Variants in TTN observed in about 807,000 individuals in gnomAD.
TTN encodes titin.
A neutral mutation model predicts 3,223.0 loss-of-function variants in TTN; 1,525 were observed. That is an observed-to-expected ratio of 0.47 (90% CI 0.45 to 0.49). The LOEUF (loss-of-function observed/expected upper bound fraction) is 0.49, where lower values mean the gene tolerates loss of function less well. Among genes scored for constraint, TTN ranks in the 20% least tolerant of loss-of-function variants. The probability of loss-of-function intolerance (pLI) is 0.00; values close to 1 mark genes in which losing one functional copy is unlikely to be tolerated. For synonymous variants in TTN, 14,094 were observed against 15,161.0 expected (o/e 0.93, Z 5.17); for missense variants, 40,786 against 43,424.0 (o/e 0.94, Z 5.40).
chr2:178,607,923 T>A lies in TTN; in HGVS notation c.52864A>T (p.Lys17622Ter). 6.2e-7 allele frequency: 1 copy of A among 1,613,030 alleles called. No individual in the cohort carries two copies. The highest frequency in any genetic ancestry group is 1.1e-5 in the South Asian group (1 of 91,064). ...GTGTACTGACGGACCTTGATCATCT[T>A]CTCTGTGCAGCGTGACCATTCATTT... ...GTNEWSRCTE[K>*]MIKVRQYTVK... Residue 17622 changes from lysine to a stop codon, truncating the protein, a stop_gained, in exon 276 of 363, where the codon AAG becomes TAG. Transcript: ENST00000589042. LOFTEE classifies it high-confidence loss of function.
At position 178,782,399 on chromosome 2, in the gene TTN, T is replaced by A; in HGVS notation, c.3193A>T (p.Thr1065Ser). ...TGTTCCTCTGTGAGGCTAGTATCAG[T>A]CATAACCACATCTCTTGACTCAACA... is the stretch of plus-strand genomic sequence containing the variant. ...RFVESRDVVM[T>S]DTSLTEEQAG... Residue 1065 changes from threonine to serine, a missense_variant, in exon 20 of 363, where the codon ACT (threonine) becomes TCT (serine). Physicochemically the swap from Thr to Ser is moderately conservative, Grantham distance 58. Transcript: ENST00000589042. The A allele has an allele frequency of 6.2e-7, 1 of 1,614,066 alleles. No individual in the cohort carries two copies. Among genetic ancestry groups the A allele is most frequent in the Non-Finnish European group, 8.5e-7 (1 of 1,179,982 alleles).
At chr2:178,800,273 T>C in intron 4 of TTN, 122 bp downstream of exon 4, 1 of 1,362,892 alleles carries the variant, frequency 7.3e-7, no homozygotes, top group Non-Finnish European at 1.0e-6. Context: ...AAAAGCCAGC[T>C]TTTATATCAG....
At position 178,597,674 on chromosome 2, in the gene TTN, T is replaced by G. The variant is rs553505206; in HGVS notation, c.57408A>C (p.Glu19136Asp). 3 of 1,613,384 alleles carry G rather than the reference T, an allele frequency of 1.9e-6. No homozygotes were observed. The highest frequency in any genetic ancestry group is 2.2e-5 in the East Asian group (1 of 44,734). The change falls in exon 294 of 363, where the codon GAA (glutamate) becomes GAC (aspartate). Residue 19136 changes from glutamate to aspartate, a missense_variant. Transcript: ENST00000589042. Reference protein sequence around the residue: ...WNMNERTLPQEATIETTAISS... With the variant: ...WNMNERTLPQDATIETTAISS... ...TAATGGCTGTGGTCTCAATGGTGGCTTCTTGAGGTAAGGTTCTTTCATTCA... is the reference window on the plus strand; with the variant it reads ...TAATGGCTGTGGTCTCAATGGTGGCGTCTTGAGGTAAGGTTCTTTCATTCA...
In TTN at chr2:178,590,412, A is replaced by T. The variant is rs756962314; in HGVS notation, c.61313T>A (p.Ile20438Asn). The T allele has an allele frequency of 6.2e-7, 1 of 1,609,460 alleles. No homozygotes were observed. Among genetic ancestry groups the T allele is most frequent in the East Asian group, 2.2e-5 (1 of 44,720 alleles). ...RQCAFRVPGL[I>N]EGNEYRFRIK... ...ACGGAATCTGTACTCATTTCCTTCA[A>T]TTAGTCCAGGTACCCTAAAGGCACA... The change falls in exon 304 of 363, where the codon ATT (isoleucine) becomes AAT (asparagine). Residue 20438 changes from isoleucine to asparagine, a missense_variant. By Grantham distance (149) the Ile-to-Asn change is moderately radical. Transcript: ENST00000589042.
In TTN at chr2:178,617,782, T is replaced by C. The variant is rs748048957; in HGVS notation, c.47569A>G (p.Ile15857Val). ...TTCCCTTTTTTGATGGGCTTACCAA[T>C]TGGATCAGCAACTTTGACGAAGGGT... ...ATPFVKVADP[I>V]ERPSPPVNLT... The change falls in exon 253 of 363, where the codon ATT becomes GTT. Residue 15857 changes from isoleucine to valine, a missense_variant. Transcript: ENST00000589042. 21 of 1,612,048 alleles carry C rather than the reference T, an allele frequency of 1.3e-5. No individual in the cohort carries two copies. Among genetic ancestry groups the C allele is most frequent in the East Asian group, 2.2e-5 (1 of 44,670 alleles).
Position 178,584,827 on chromosome 2 carries a change from C to T in TTN, c.64814G>A (p.Gly21605Asp), listed in dbSNP as rs1553632971. 2 of 1,613,380 alleles carry T rather than the reference C, an allele frequency of 1.2e-6. No individual in the cohort carries two copies. The highest frequency in any genetic ancestry group is 1.7e-6 in the Non-Finnish European group (2 of 1,179,534). Residue 21605 changes from glycine (G) to aspartate (D), a missense_variant, in exon 310 of 363, where the codon GGT (glycine) becomes GAT (aspartate). Gly to Asp is a moderately conservative substitution (Grantham distance 94). Coordinates refer to ENST00000589042, the MANE Select transcript of TTN (RefSeq NM_001267550.2). ...TGAAGCTAGAGCCGTGACCCAGTCA[C>T]CTCGGCTTACATCACACTTCTCCAC... ...YIVEKCDVSR[G>D]DWVTALASVT...
At chr2:178,665,887 T>C (rs993120966) in intron 163 of TTN, 96 bp from the exon 164 acceptor site, 1 of 520,614 alleles carries the variant, frequency 1.9e-6, no homozygotes, top group Non-Finnish European at 3.0e-6. Context: ...GATGGGAACC[T>C]TCTCCCACTC....
chr2:178,541,168 G>T, intron 350 of TTN, 114 bp downstream of exon 350: 1 of 1,025,886 alleles, frequency 9.7e-7, no homozygotes, highest in Non-Finnish European at 1.3e-6. Context: ...TTGTGGTGGT[G>T]ATTACAAAAC....
At position 178,751,092 on chromosome 2, in the gene TTN, C is replaced by A. The variant is rs1450797022; in HGVS notation, c.11311+2032G>T. 3.7e-6 allele frequency: 6 copies of A among 1,612,670 alleles called. No homozygotes were observed. In the South Asian group the frequency reaches 6.6e-5, roughly 18 times the overall value. Reference sequence around the variant, plus strand: ...TTAGAAAGGGCATGTGGATTTTGCACAATACTCTCAGCTGAATGATCTACC... The same window carrying A: ...TTAGAAAGGGCATGTGGATTTTGCAAAATACTCTCAGCTGAATGATCTACC... On this transcript the variant is annotated intron_variant, in intron 47 of 362. Coordinates refer to ENST00000589042, the MANE Select transcript of TTN (RefSeq NM_001267550.2).
chr2:178,788,580 C>A (rs552436374), intron 13 of TTN, among the ~76,000 whole-genome samples: 2 of 151,996 alleles, frequency 1.3e-5, no homozygotes, highest in Non-Finnish European at 2.9e-5. Flanking sequence ...TCAGGCCATC[C>A]TGCTAATGAA....
chr2:178,776,569 G>A lies in TTN; in HGVS notation c.5295C>T (p.Gly1765=), dbSNP rs145999395. Residue 1765 remains glycine (G), a synonymous_variant, in exon 28 of 363, where the codon GGC becomes GGT. Coordinates refer to ENST00000589042, the MANE Select transcript of TTN (RefSeq NM_001267550.2). The part of the protein sequence containing the change: ...NEFGYCSLDY[G]VAYSRDSGII... ...TACCACTGTCTCTAGAATATGCAAC[G>A]CCATAATCAAGGCTGCAGTACCCAA... 46 of 1,613,106 alleles carry A rather than the reference G, an allele frequency of 2.9e-5. No homozygotes were observed. The highest frequency in any genetic ancestry group is 3.7e-5 in the Non-Finnish European group (44 of 1,179,998).
In TTN at chr2:178,711,201, T is replaced by G; in HGVS notation, c.28035A>C (p.Pro9345=). 6.2e-7 allele frequency: 1 copy of G among 1,613,894 alleles called. No homozygotes were observed. Among genetic ancestry groups the G allele is most frequent in the Non-Finnish European group, 8.5e-7 (1 of 1,179,798 alleles). The change falls in exon 97 of 363, where the codon CCA becomes CCC. Residue 9345 remains proline, a synonymous_variant. Coordinates refer to ENST00000589042, the MANE Select transcript of TTN (RefSeq NM_001267550.2). ...YKDGKPLKDS[P]NVQTSFLDNT... ...TGTCTAAAAATGATGTTTGTACATT[T>G]GGGCTGTCTTTCAATGGCTTGCCGT... is the stretch of plus-strand genomic sequence containing the variant.
chr2:178,547,177 G>A lies in TTN; in HGVS notation c.94348C>T (p.Arg31450Cys), dbSNP rs541040798. ...TCTTTCACCCAAAGAATTGTATTACGTTCTTTCTTCTCAACCCAGTAGCCA... is the reference window on the plus strand; with the variant it reads ...TCTTTCACCCAAAGAATTGTATTACATTCTTTCTTCTCAACCCAGTAGCCA... ...IIGYWVEKKE[R>C]NTILWVKENK... is the part of the protein sequence containing the mutation. The change falls in exon 340 of 363, where the codon CGT (arginine) becomes TGT (cysteine). Residue 31450 changes from arginine (R) to cysteine (C), a missense_variant. Transcript: ENST00000589042. The A allele has an allele frequency of 1.6e-4, 258 of 1,613,734 alleles. 4 individuals are homozygous for A. In the South Asian group the frequency reaches 2.4e-3, roughly 15 times the overall value.
At position 178,633,265 on chromosome 2, in the gene TTN, G is replaced by A. The variant is rs1414798056; in HGVS notation, c.43008C>T (p.Ala14336=). 6.2e-7 allele frequency: 1 copy of A among 1,613,224 alleles called. No individual in the cohort carries two copies. The highest frequency in any genetic ancestry group is 1.1e-5 in the South Asian group (1 of 91,042). The change falls in exon 233 of 363, where the codon GCC becomes GCT. Residue 14336 remains alanine, a synonymous_variant. Transcript: ENST00000589042. The part of the protein sequence containing the change: ...YGVEVFVGET[A]HFEIELSEPD... ...GTTCAGAAAGTTCAATTTCAAAGTG[G>A]GCTGTTTCACCAACAAACACCTCTA...
At position 178,561,573 on chromosome 2, in the gene TTN, T is replaced by C. The variant is rs2154159829; in HGVS notation, c.84559A>G (p.Ile28187Val). The C allele has an allele frequency of 1.2e-6, 2 of 1,613,346 alleles. No individual in the cohort carries two copies. The highest frequency in any genetic ancestry group is 4.5e-5 in the East Asian group (2 of 44,758). Residue 28187 changes from isoleucine (I) to valine (V), a missense_variant, in exon 326 of 363, where the codon ATT becomes GTT. By Grantham distance (29) the Ile-to-Val change is conservative (BLOSUM62 3). Transcript: ENST00000589042. ...TCTTTATACTCAAGATGATAGCCAA[T>C]TACTCGACTTCCTCCATCATTAACT... Reference protein sequence around the residue: ...VPVNDGGSRVIGYHLEYKERS... With the variant: ...VPVNDGGSRVVGYHLEYKERS...
Position 178,726,954 on chromosome 2 carries a change from G to A in TTN, c.20275+136C>T, listed in dbSNP as rs79057558. The A allele has an allele frequency of 1.1e-3, 1,013 of 917,264 alleles. 11 individuals carry two copies. The African/African-American group carries it at 0.015, about 14-fold the overall frequency. 56.8% of individuals were successfully genotyped at this position (917,264 alleles called of 1,614,324 possible). A position where few individuals can be genotyped will look rare whatever the true frequency, so the allele number is the denominator to read the frequency against. On this transcript the variant is annotated intron_variant, in intron 69 of 362. Transcript: ENST00000589042. ...TCAAGAAGGAAACCATCTAAAAAGG[G>A]AAATAATACTAGCTCAGAAAAATAT...
Position 178,547,439 on chromosome 2 carries a change from T to C in TTN, c.94187A>G (p.Glu31396Gly). The C allele has an allele frequency of 6.2e-7, 1 of 1,609,270 alleles. No individual in the cohort carries two copies. Among genetic ancestry groups the C allele is most frequent in the Non-Finnish European group, 8.5e-7 (1 of 1,176,808 alleles). The change falls in exon 339 of 363, where the codon GAA (glutamate) becomes GGA (glycine). Residue 31396 changes from glutamate (E) to glycine (G), a missense_variant. Glu to Gly is a moderately conservative substitution (Grantham distance 98). Transcript: ENST00000589042. ...ENRFGVSKPL[E>G]SAPIIAEHPF... ...ATGTTCAGCAATTATTGGTGCTGAT[T>C]CTAGAGGTTTGCTGACACCAAATCT...
At position 178,733,528 on chromosome 2, in the gene TTN, A is replaced by T; in HGVS notation, c.15776-11T>A. 6.2e-7 allele frequency: 1 copy of T among 1,606,076 alleles called. No homozygotes were observed. The highest frequency in any genetic ancestry group is 8.5e-7 in the Non-Finnish European group (1 of 1,174,880). ...TGATTTTGGCAGGTTCTACAATGGTATGAAATAGTTAGCACCCTAAATGCT... is the reference window on the plus strand; with the variant it reads ...TGATTTTGGCAGGTTCTACAATGGTTTGAAATAGTTAGCACCCTAAATGCT... On this transcript the variant is annotated splice_polypyrimidine_tract_variant and intron_variant, in intron 53 of 362. Transcript: ENST00000589042.
In TTN at chr2:178,589,176, G is replaced by A. The variant is rs2049701405; in HGVS notation, c.62549C>T (p.Ala20850Val). 6.2e-7 allele frequency: 1 copy of A among 1,613,338 alleles called. No individual in the cohort carries two copies. Among genetic ancestry groups the A allele is most frequent in the South Asian group, 1.1e-5 (1 of 91,078 alleles). ...AGTGGCATAGGCCACAAAACTGCCAGCCGTGTTAGTTGCCGTAACTACATA... is the reference window on the plus strand; with the variant it reads ...AGTGGCATAGGCCACAAAACTGCCAACCGTGTTAGTTGCCGTAACTACATA... ...GKYVVTATNT[A>V]GSFVAYATVN... The change falls in exon 304 of 363, where the codon GCT (alanine) becomes GTT (valine). Residue 20850 changes from alanine (A) to valine (V), a missense_variant. By Grantham distance (64) the Ala-to-Val change is moderately conservative. Transcript: ENST00000589042.
Sources: allele counts gnomAD v4.1 joint callset (sites outside exome capture counted in the v4.1 genomes callset), GRCh38; gene constraint gnomAD v4.1.1; transcripts MANE v1.5; gene names NCBI Gene and HGNC (gene_info 2026-07-23, HGNC 2026-07-21).